NDRG3: variants seen among roughly 807,000 people sequenced by gnomAD.
NDRG3 encodes the protein NDRG family member 3, also known as protein NDRG3.
In NDRG3, 23 loss-of-function variants were observed where a neutral mutation model predicts 57.2. The observed-to-expected ratio is 0.40, with a 90% CI of 0.29 to 0.57. The LOEUF is 0.57. NDRG3 is among the 20% of genes least tolerant of loss of function. NDRG3 has a pLI of 0.42. For synonymous variants in NDRG3, 132 were observed against 162.6 expected (o/e 0.81, Z 1.43); for missense variants, 384 against 457.3 (o/e 0.84, Z 1.46).
At chr20:36,711,713 C>CA (rs2148178745) in intron 2 of NDRG3, among the ~76,000 whole-genome samples, 1 of 152,316 alleles carries the variant, frequency 6.6e-6, no homozygotes, top group South Asian at 2.1e-4. Flanking sequence ...TTCTCAATCC[C>CA]ATGTTCCTAG....
chr20:36,694,408 GGAA>G (rs1363739674), intron 3 of NDRG3, among the ~76,000 whole-genome samples: 1 of 152,156 alleles, frequency 6.6e-6, no homozygotes, highest in Non-Finnish European at 1.5e-5. Context: ...TTGAATAACT[GGAA>G]CCCTTCTGCC....
At chr20:36,667,807 C>T (rs1600863962) in intron 9 of NDRG3, among the ~76,000 whole-genome samples, 2 of 152,122 alleles carry the variant, frequency 1.3e-5, no homozygotes, top group South Asian at 4.2e-4. Flanking sequence ...TTTTCACAAC[C>T]ATGTGGATGA....
At chr20:36,708,661 A>AG (rs1207134508) in intron 2 of NDRG3, among the ~76,000 whole-genome samples, 3 of 151,636 alleles carry the variant, frequency 2.0e-5, no homozygotes, top group Non-Finnish European at 2.9e-5. Context: ...AAAAAAAAAA[A>AG]AAAAAGAAAA....
At chr20:36,708,669 AAAAG>A (rs1983693213) in intron 2 of NDRG3, among the ~76,000 whole-genome samples, 1 of 151,784 alleles carries the variant, frequency 6.6e-6, no homozygotes, top group Non-Finnish European at 1.5e-5. Flanking sequence ...AAAAAAAAGA[AAAAG>A]AAAAAAAGAA....
chr20:36,684,405 G>A lies in NDRG3; in HGVS notation c.383+8C>T, dbSNP rs1981596792. The A allele has an allele frequency of 6.2e-7, 1 of 1,611,138 alleles. No individual in the cohort carries two copies. The highest frequency in any genetic ancestry group is 2.2e-5 in the East Asian group (1 of 44,884). On this transcript the variant is annotated splice_region_variant and intron_variant, in intron 6 of 15. Coordinates refer to ENST00000349004, the MANE Select transcript of NDRG3 (RefSeq NM_032013.4). ...AAAACTGCATGAAAGACTGCAGAATGAACCTACCTTAGGTGGGTAAGAACA... is the reference window on the plus strand; with the variant it reads ...AAAACTGCATGAAAGACTGCAGAATAAACCTACCTTAGGTGGGTAAGAACA...
Position 36,653,718 on chromosome 20 carries a change from A to C in NDRG3, c.947-17T>G. 1 of 1,608,230 alleles carries C rather than the reference A, an allele frequency of 6.2e-7. No homozygotes were observed. The highest frequency in any genetic ancestry group is 8.5e-7 in the Non-Finnish European group (1 of 1,177,752). The stretch of plus-strand genomic sequence containing the variant: ...CAGATGGTACTGTAACAGAGAACCA[A>C]GGGGACTAGAAGATGAAGCCCCGGT... On this transcript the variant is annotated splice_polypyrimidine_tract_variant and intron_variant, in intron 15 of 15. Coordinates refer to ENST00000349004, the MANE Select transcript of NDRG3 (RefSeq NM_032013.4). This position sits in a 1 kb window ranked among gnomAD's most constrained non-coding sequence, Gnocchi z 4.2.
chr20:36,674,886 ATTTTTTTTTT>A (rs34146274), intron 8 of NDRG3, among the ~76,000 whole-genome samples: 13 of 39,668 alleles, frequency 3.3e-4, no homozygotes, highest in East Asian at 1.1e-3. Context: ...GCCCAGCCAG[ATTTTTTTTTT>A]TTTTTTTTTT....
At chr20:36,691,825 C>T (rs1009721282) in intron 3 of NDRG3, among the ~76,000 whole-genome samples, 2 of 152,186 alleles carry the variant, frequency 1.3e-5, no homozygotes, top group Non-Finnish European at 2.9e-5. Flanking sequence ...AAAGGACTCA[C>T]TTCCCGACCC....
chr20:36,712,588 T>TATATATATA (rs1555804489), intron 2 of NDRG3, among the ~76,000 whole-genome samples: 2 of 10,916 alleles, frequency 1.8e-4, no homozygotes, highest in East Asian at 2.8e-3. Context: ...TATATATATA[T>TATATATATA]TTTTTTTTTT....
chr20:36,709,583 T>C (rs1445619122), intron 2 of NDRG3, among the ~76,000 whole-genome samples: 1 of 152,242 alleles, frequency 6.6e-6, no homozygotes, highest in African/African-American at 2.4e-5. Context: ...AATGTTGCTA[T>C]TGATTAAAAG....
At position 36,673,656 on chromosome 20, in the gene NDRG3, C is replaced by T. The variant is rs368666992; in HGVS notation, c.532-2259G>A. Among the ~76,000 whole-genome samples the T allele has an allele frequency of 2.6e-5, 4 of 152,006 alleles. No homozygotes were observed. In the South Asian group the frequency reaches 8.3e-4, roughly 32 times the overall value. Reference sequence around the variant, plus strand: ...CTTGAACTCCTGACCTCAAGTGATCCGCCCACTTTAATGAATACTTTAAAG... The same window carrying T: ...CTTGAACTCCTGACCTCAAGTGATCTGCCCACTTTAATGAATACTTTAAAG... On this transcript the variant is annotated intron_variant, in intron 8 of 15. Coordinates refer to ENST00000349004, the MANE Select transcript of NDRG3 (RefSeq NM_032013.4).
chr20:36,699,596 G>A (rs1271370791), intron 3 of NDRG3, among the ~76,000 whole-genome samples: 1 of 152,134 alleles, frequency 6.6e-6, no homozygotes, highest in Admixed American at 6.5e-5. Flanking sequence ...GCTGAGAACT[G>A]AGGGAAACAC....
intron 3 of NDRG3, among the ~76,000 whole-genome samples, chr20:36,702,447 A>C (rs996595667): frequency 1.3e-5 from 2 of 152,022 alleles, no homozygotes; most frequent in African/African-American, 4.8e-5. Flanking sequence ...CAATATTTTT[A>C]TTAGTATGAA....
rs370218239 is a variant in NDRG3 at position 36,653,614 on chromosome 20, C to T, written c.1034G>A (p.Arg345Gln). 47 of 1,613,954 alleles carry T rather than the reference C, an allele frequency of 2.9e-5. No individual in the cohort carries two copies. The African/African-American group carries it at 3.2e-4, about 11-fold the overall frequency. The change falls in exon 16 of 16, where the codon CGG (arginine) becomes CAG (glutamine). Residue 345 changes from arginine to glutamine, a missense_variant. Physicochemically the swap from Arg to Gln is conservative, Grantham distance 43. Coordinates refer to ENST00000349004, the MANE Select transcript of NDRG3 (RefSeq NM_032013.4). The surrounding 1 kb of genome is among the most constrained non-coding windows in gnomAD (Gnocchi z 4.2). ...SLGSGESPFS[R>Q]SVTSNQSDGT... ...ATCTGACTGATTGCTGGTGACAGAC[C>T]GGCTGAAGGGACTTTCTCCAGAGCC...
chr20:36,728,941 C>T (rs1056165201), intron 1 of NDRG3, among the ~76,000 whole-genome samples: 12 of 152,006 alleles, frequency 7.9e-5, no homozygotes, highest in Non-Finnish European at 1.3e-4. Flanking sequence ...AGGCTGGTCT[C>T]GAACTCCTGA....
intron 2 of NDRG3, among the ~76,000 whole-genome samples, chr20:36,708,929 T>C (rs985518744): frequency 6.6e-6 from 1 of 152,088 alleles, no homozygotes; most frequent in African/African-American, 2.4e-5. Flanking sequence ...TCCCAGCTAC[T>C]TGGGAGGCTG....
At chr20:36,688,374 T>A (rs2206444) in intron 4 of NDRG3, among the ~76,000 whole-genome samples, 124,854 of 150,138 alleles carry the variant, frequency 0.83, 51,813 homozygotes, top group Middle Eastern at 0.87. Context: ...GAAACATATT[T>A]AAAAAAAAAA....
At chr20:36,688,246 C>T (rs1217741873) in intron 4 of NDRG3, among the ~76,000 whole-genome samples, 1 of 152,240 alleles carries the variant, frequency 6.6e-6, no homozygotes, top group Non-Finnish European at 1.5e-5. Flanking sequence ...CAGAATCTTA[C>T]ACTACCATCT....
intron 2 of NDRG3, among the ~76,000 whole-genome samples, chr20:36,719,510 G>A (rs1305439557): frequency 2.0e-5 from 3 of 151,720 alleles, no homozygotes; most frequent in Non-Finnish European, 2.9e-5. Context: ...GAGTGGGAAT[G>A]GAGAGGTCAC....
Sources: gnomAD v4.1 joint callset for allele counts (sites outside exome capture counted in the v4.1 genomes callset) on GRCh38, gnomAD v4.1.1 for gene constraint, Gnocchi (gnomAD v3.1) non-coding constraint, MANE v1.5 for transcripts, NCBI Gene and HGNC (gene_info 2026-07-23, HGNC 2026-07-21) for gene names.